KCNH8: variants seen among roughly 807,000 people sequenced by gnomAD.
KCNH8 encodes the protein potassium voltage-gated channel subfamily H member 8, also known as voltage-gated delayed rectifier potassium channel KCNH8.
A neutral mutation model predicts 103.6 loss-of-function variants in KCNH8; 70 were observed. That is an observed-to-expected ratio of 0.68 (90% CI 0.56 to 0.82). The LOEUF is 0.82. Ranked by LOEUF, KCNH8 falls within the 40% of genes least tolerant of loss-of-function variation. KCNH8 has a pLI of 0.00. For missense variants in KCNH8, 1,217 were observed against 1,329.9 expected (o/e 0.92, Z 1.32); for synonymous variants, 498 against 489.4 (o/e 1.02, Z -0.23).
chr3:19,374,466 A>T (rs1046829048), intron 5 of KCNH8, among the ~76,000 whole-genome samples: 15 of 151,934 alleles, frequency 9.9e-5, no homozygotes, highest in African/African-American at 3.6e-4. Flanking sequence ...TGCTTGGTAG[A>T]TCTTCCTCCA....
rs185819297 is a variant in KCNH8 at position 19,360,350 on chromosome 3, G to T, written c.811+12385G>T. Reference sequence around the variant, plus strand: ...GATGTATATAATGAAAAACTACACAGTAGAGAAAAAAGAATATAGAGCAGG... The same window carrying T: ...GATGTATATAATGAAAAACTACACATTAGAGAAAAAAGAATATAGAGCAGG... On this transcript the variant is annotated intron_variant, in intron 5 of 15. Transcript: ENST00000328405. 2.5e-3 allele frequency among the ~76,000 whole-genome samples: 387 copies of T among 152,176 alleles called. 4 individuals are homozygous for T. Among genetic ancestry groups the T allele is most frequent in the African/African-American group, 8.7e-3 (360 of 41,554 alleles).
At position 19,308,701 on chromosome 3, in the gene KCNH8, T is replaced by C. The variant is rs28491661; in HGVS notation, c.442+27372T>C. Among the ~76,000 whole-genome samples the C allele has an allele frequency of 3.7e-3, 225 of 60,860 alleles. 6 individuals carry two copies. Among genetic ancestry groups the C allele is most frequent in the African/African-American group, 5.4e-3 (59 of 10,922 alleles). The allele number at this position is 60,860 out of a possible 152,430, so 39.9% of individuals were successfully genotyped here. A position where few individuals can be genotyped will look rare whatever the true frequency, so the allele number is the denominator to read the frequency against. ...CTCTCTCTCTCTCTCTCTCTCTCTC[T>C]CTCTCTCTCTCTCTCTCCCCCTCTC... is the stretch of plus-strand genomic sequence containing the variant. On this transcript the variant is annotated intron_variant, in intron 3 of 15. Transcript: ENST00000328405.
chr3:19,361,115 G>A (rs530764156), intron 5 of KCNH8, among the ~76,000 whole-genome samples: 2 of 152,160 alleles, frequency 1.3e-5, no homozygotes, highest in South Asian at 4.1e-4. Context: ...AACAATTCCT[G>A]TGCTCAGACC....
intron 11 of KCNH8, 103 bp downstream of exon 11, chr3:19,457,085 TGAATATCTAA>T: frequency 1.4e-6 from 1 of 703,988 alleles, no homozygotes; most frequent in Non-Finnish European, 2.3e-6. Context: ...AAAAAGTCTC[TGAATATCTAA>T]GACGTGAATA....
intron 11 of KCNH8, among the ~76,000 whole-genome samples, chr3:19,507,784 C>T (rs996688062): frequency 5.3e-5 from 8 of 152,144 alleles, no homozygotes; most frequent in African/African-American, 1.4e-4. Flanking sequence ...CTTGTCACCA[C>T]GTACCTTCTG....
At chr3:19,288,916 G>T (rs901149324) in intron 3 of KCNH8, among the ~76,000 whole-genome samples, 2 of 152,050 alleles carry the variant, frequency 1.3e-5, no homozygotes, top group Non-Finnish European at 2.9e-5. Context: ...TTTAATGATT[G>T]CCATTCTAAC....
intron 5 of KCNH8, 138 bp downstream of exon 5, chr3:19,348,103 A>G: frequency 1.0e-6 from 1 of 975,778 alleles, no homozygotes; most frequent in Non-Finnish European, 1.5e-6. Context: ...TTGGAGAAGC[A>G]CATACTGTAT....
chr3:19,429,782 T>C (rs1446072392), intron 7 of KCNH8, among the ~76,000 whole-genome samples: 2 of 151,944 alleles, frequency 1.3e-5, no homozygotes, highest in East Asian at 2.0e-4. Flanking sequence ...GTCCATGTGT[T>C]CTCATCATTT....
chr3:19,258,933 CTCTCTCTCTCTCTCTATATATATATA>C (rs1250208908), intron 2 of KCNH8, among the ~76,000 whole-genome samples: 15 of 83,536 alleles, frequency 1.8e-4, no homozygotes, highest in African/African-American at 6.9e-4. Flanking sequence ...CTCTCTCTCT[CTCTCTCTCTCTCTCTATATATATATA>C]TATATATATA....
chr3:19,435,925 A>AT (rs1387665591), intron 7 of KCNH8, among the ~76,000 whole-genome samples: 1 of 152,196 alleles, frequency 6.6e-6, no homozygotes, highest in Non-Finnish European at 1.5e-5. Context: ...ATGCACACAT[A>AT]TAAATAGTAA....
chr3:19,496,919 A>C (rs1461159518), intron 11 of KCNH8, among the ~76,000 whole-genome samples: 1 of 150,904 alleles, frequency 6.6e-6, no homozygotes. Flanking sequence ...GTTCAGTTTT[A>C]GGAGGTTATA....
At chr3:19,482,094 T>C (rs547912167) in intron 11 of KCNH8, among the ~76,000 whole-genome samples, 33 of 152,222 alleles carry the variant, frequency 2.2e-4, no homozygotes, top group African/African-American at 6.5e-4. Flanking sequence ...TCGTGATCGA[T>C]TGAGCAAGCA....
chr3:19,525,486 TAGCCAGAC>T (rs1362773639), intron 15 of KCNH8, among the ~76,000 whole-genome samples: 1 of 151,924 alleles, frequency 6.6e-6, no homozygotes, highest in Non-Finnish European at 1.5e-5. Context: ...AAAGATCCCT[TAGCCAGAC>T]AGCAATTTGA....
At chr3:19,284,206 A>G (rs1202071393) in intron 3 of KCNH8, among the ~76,000 whole-genome samples, 5 of 152,160 alleles carry the variant, frequency 3.3e-5, no homozygotes, top group Admixed American at 6.6e-5. Context: ...ATGCATCACT[A>G]AAGTTCATCT....
chr3:19,444,126 G>C (rs931171309), intron 8 of KCNH8, among the ~76,000 whole-genome samples: 2 of 152,060 alleles, frequency 1.3e-5, no homozygotes, highest in African/African-American at 4.8e-5. Context: ...TTGTGCTACA[G>C]ATATCAAAAT....
chr3:19,519,322 G>A (rs999350139), intron 15 of KCNH8, among the ~76,000 whole-genome samples: 4 of 151,770 alleles, frequency 2.6e-5, no homozygotes, highest in South Asian at 4.2e-4. Context: ...ATGTAATCAC[G>A]TGATGGTATT....
intron 11 of KCNH8, among the ~76,000 whole-genome samples, chr3:19,480,345 T>A (rs952884778): frequency 5.3e-5 from 8 of 152,164 alleles, no homozygotes; most frequent in South Asian, 2.1e-4. Flanking sequence ...AGGTGAAGCA[T>A]TAGCATCCCA....
chr3:19,160,797 A>C (rs2063226435), intron 1 of KCNH8, among the ~76,000 whole-genome samples: 1 of 152,144 alleles, frequency 6.6e-6, no homozygotes, highest in East Asian at 1.9e-4. Context: ...CATGCTGTAC[A>C]TGCTACCTCT....
In KCNH8 at chr3:19,438,235, A is replaced by G. The variant is rs2067229678; in HGVS notation, c.1249A>G (p.Ile417Val). Residue 417 changes from isoleucine (I) to valine (V), a missense_variant, in exon 8 of 16, where the codon ATC becomes GTC. Transcript: ENST00000328405. ...CAACAATACCTTGGGGGGCCCGTCGATCCGAAGTGCCTATATTGCCGCTCT... is the reference window on the plus strand; with the variant it reads ...CAACAATACCTTGGGGGGCCCGTCGGTCCGAAGTGCCTATATTGCCGCTCT... ...YGNNTLGGPS[I>V]RSAYIAALYF... 6.2e-7 allele frequency: 1 copy of G among 1,613,976 alleles called. No homozygotes were observed. The highest frequency in any genetic ancestry group is 1.3e-5 in the African/African-American group (1 of 74,906).
Sources: gnomAD v4.1 joint callset for allele counts (sites outside exome capture counted in the v4.1 genomes callset) on GRCh38, gnomAD v4.1.1 for gene constraint, MANE v1.5 for transcripts, NCBI Gene and HGNC (gene_info 2026-07-23, HGNC 2026-07-21) for gene names.